Variants in SPOCK3 observed in about 807,000 individuals in gnomAD.
SPOCK3 encodes SPARC (osteonectin), cwcv and kazal like domains proteoglycan 3, also known as testican-3.
In SPOCK3, 30 loss-of-function variants were observed where a neutral mutation model predicts 56.6. The observed-to-expected ratio is 0.53, with a 90% CI of 0.40 to 0.72. The LOEUF is 0.72. Ranked by LOEUF, SPOCK3 falls within the 30% of genes least tolerant of loss-of-function variation. The pLI is 0.00. For synonymous variants in SPOCK3, 196 were observed against 183.3 expected (o/e 1.07, Z -0.56); for missense variants, 527 against 530.0 (o/e 0.99, Z 0.06).
At chr4:167,029,997 G>A (rs1039934983) in intron 3 of SPOCK3, among the ~76,000 whole-genome samples, 4 of 151,834 alleles carry the variant, frequency 2.6e-5, no homozygotes, top group Non-Finnish European at 5.9e-5. Context: ...GAATCACATA[G>A]TATCTTAGTA....
At chr4:166,952,194 A>G (rs1397251467) in intron 4 of SPOCK3, among the ~76,000 whole-genome samples, 5 of 152,322 alleles carry the variant, frequency 3.3e-5, no homozygotes, top group African/African-American at 1.2e-4. Flanking sequence ...CCATTGTCTC[A>G]GCCCAAAATC....
chr4:166,743,460 T>C (rs947712342), intron 8 of SPOCK3, among the ~76,000 whole-genome samples: 3 of 152,080 alleles, frequency 2.0e-5, no homozygotes, highest in Non-Finnish European at 2.9e-5. Context: ...ATTCATCTTA[T>C]AGAATCTAAA....
chr4:167,014,964 T>C (rs1419016512), intron 3 of SPOCK3, among the ~76,000 whole-genome samples: 1 of 151,936 alleles, frequency 6.6e-6, no homozygotes, highest in African/African-American at 2.4e-5. Context: ...TTCTAAAATA[T>C]TATTATTTTA....
intron 4 of SPOCK3, among the ~76,000 whole-genome samples, chr4:166,932,974 A>G (rs1031741185): frequency 6.6e-6 from 1 of 152,202 alleles, no homozygotes; most frequent in African/African-American, 2.4e-5. Context: ...TATACTTGTA[A>G]TAAGAATCCT....
At chr4:167,024,741 G>A (rs547392974) in intron 3 of SPOCK3, among the ~76,000 whole-genome samples, 10 of 152,012 alleles carry the variant, frequency 6.6e-5, no homozygotes, top group South Asian at 4.2e-4. Context: ...TACACATTGC[G>A]TGCAGTGTAC....
chr4:166,735,209 A>T, intron 10 of SPOCK3, 119 bp from the exon 11 acceptor site: 1 of 654,966 alleles, frequency 1.5e-6, no homozygotes, highest in South Asian at 2.2e-5. Flanking sequence ...TTTCTATCTT[A>T]TTTATCAAAG....
intron 6 of SPOCK3, among the ~76,000 whole-genome samples, chr4:166,841,035 C>A (rs918428367): frequency 2.6e-5 from 4 of 152,030 alleles, no homozygotes; most frequent in Non-Finnish European, 5.9e-5. Flanking sequence ...GCCTCAGCCT[C>A]CCAAAGAGCT....
At chr4:166,753,569 GAA>G (rs1162814564) in intron 8 of SPOCK3, among the ~76,000 whole-genome samples, 3 of 151,922 alleles carry the variant, frequency 2.0e-5, no homozygotes, top group African/African-American at 7.2e-5. Flanking sequence ...ACTAAATGTG[GAA>G]AAGTTATTGA....
intron 2 of SPOCK3, among the ~76,000 whole-genome samples, chr4:167,224,900 C>A (rs1188589757): frequency 6.6e-6 from 1 of 152,144 alleles, no homozygotes; most frequent in Non-Finnish European, 1.5e-5. Flanking sequence ...CTGCTGACCT[C>A]AAGATCTGCC....
At chr4:166,872,417 A>C (rs1461920004) in intron 6 of SPOCK3, among the ~76,000 whole-genome samples, 1 of 152,154 alleles carries the variant, frequency 6.6e-6, no homozygotes, top group East Asian at 1.9e-4. Flanking sequence ...GACAAACTGA[A>C]ACTCAAGACG....
At chr4:166,882,018 G>C (rs1319572829) in intron 6 of SPOCK3, among the ~76,000 whole-genome samples, 1 of 152,088 alleles carries the variant, frequency 6.6e-6, no homozygotes, top group Non-Finnish European at 1.5e-5. Flanking sequence ...GGGTGGAAAG[G>C]GGGATGACAG....
chr4:167,057,699 C>T (rs921572622), intron 3 of SPOCK3, among the ~76,000 whole-genome samples: 14 of 152,136 alleles, frequency 9.2e-5, no homozygotes, highest in Non-Finnish European at 2.1e-4. Flanking sequence ...AAGGCCATTA[C>T]TTAATGGTAA....
Position 166,733,426 on chromosome 4 carries a change from G to C in SPOCK3, c.*1495C>G, listed in dbSNP as rs1303296711. ...TTATTTTGTAAACTATACATAAACA[G>C]TAAAAAAGAAAATGCATTATACTTT... is the stretch of plus-strand genomic sequence containing the variant. On this transcript the variant is annotated 3_prime_UTR_variant, in exon 11 of 11. Coordinates refer to ENST00000357545, the MANE Select transcript of SPOCK3 (RefSeq NM_001040159.2). 6.6e-6 allele frequency: 1 copy of C among 151,646 alleles called. No homozygotes were observed. The highest frequency in any genetic ancestry group is 2.4e-5 in the African/African-American group (1 of 41,384). 9.4% of individuals were successfully genotyped at this position (151,646 alleles called of 1,614,324 possible).
chr4:166,754,450 T>A (rs778380257), intron 8 of SPOCK3, 58 bp downstream of exon 8: 3 of 1,559,876 alleles, frequency 1.9e-6, no homozygotes, highest in Non-Finnish European at 2.6e-6. Flanking sequence ...TCTTAAAAAA[T>A]AAGTAAAATT....
intron 7 of SPOCK3, among the ~76,000 whole-genome samples, chr4:166,788,802 T>C (rs959480335): frequency 4.0e-5 from 6 of 151,718 alleles, no homozygotes; most frequent in Non-Finnish European, 7.4e-5. Context: ...TGACTAATCA[T>C]CCTAAAAATG....
At chr4:166,795,538 C>A (rs1741841188) in intron 6 of SPOCK3, among the ~76,000 whole-genome samples, 1 of 151,960 alleles carries the variant, frequency 6.6e-6, no homozygotes, top group Non-Finnish European at 1.5e-5. Flanking sequence ...AACCGATTTA[C>A]TTTAAAATTG....
At chr4:166,935,783 G>T (rs1490613396) in intron 4 of SPOCK3, among the ~76,000 whole-genome samples, 4 of 152,166 alleles carry the variant, frequency 2.6e-5, no homozygotes, top group Non-Finnish European at 5.9e-5. Flanking sequence ...ATTAACACAG[G>T]CAAGACATGA....
chr4:167,090,653 A>G (rs373920286), intron 2 of SPOCK3, among the ~76,000 whole-genome samples: 13 of 151,842 alleles, frequency 8.6e-5, no homozygotes, highest in African/African-American at 3.1e-4. Flanking sequence ...ACAGGCATGC[A>G]CCACCATGCC....
In SPOCK3 at chr4:167,035,982, T is replaced by G. The variant is rs114322621; in HGVS notation, c.235+26510A>C. On this transcript the variant is annotated intron_variant, in intron 3 of 10. Coordinates refer to ENST00000357545, the MANE Select transcript of SPOCK3 (RefSeq NM_001040159.2). ...AAAAATTAAATTATTCACCATAGCT[T>G]AAATATCACTACAGATTACATTTGA... Among the ~76,000 whole-genome samples, 442 of 152,346 alleles carry G rather than the reference T, an allele frequency of 2.9e-3. 2 individuals are homozygous for G. The highest frequency in any genetic ancestry group is 0.01 in the African/African-American group (424 of 41,582).
Sources: allele counts gnomAD v4.1 joint callset (sites outside exome capture counted in the v4.1 genomes callset), GRCh38; gene constraint gnomAD v4.1.1; transcripts MANE v1.5; gene names NCBI Gene and HGNC (gene_info 2026-07-23, HGNC 2026-07-21).